CCNH: variants seen among roughly 807,000 people sequenced by gnomAD.
CCNH encodes the protein cyclin H, also known as cyclin-H.
Under a neutral mutation model 41.9 loss-of-function variants are expected in CCNH, and 31 were observed. The ratio of observed to expected loss-of-function variants is 0.74; its 90% CI spans 0.56 to 1.00. The LOEUF (loss-of-function observed/expected upper bound fraction) is 1.00, where lower values mean the gene tolerates loss of function less well. Ranked by LOEUF, CCNH falls within the 50% of genes least tolerant of loss-of-function variation. The pLI is 0.00. For missense variants in CCNH, 362 were observed against 388.4 expected, an observed-to-expected ratio of 0.93 and a Z score of 0.57; for synonymous variants, 138 against 136.1, an observed-to-expected ratio of 1.01 and a Z score of -0.10.
chr5:87,344,678 ATTTTT>A (rs113174684), intron 9 of CCNH, among the ~76,000 whole-genome samples: 1 of 131,208 alleles, frequency 7.6e-6, no homozygotes, highest in African/African-American at 2.8e-5. Flanking sequence ...AAATGTTGTA[ATTTTT>A]TTTTTTTTTT....
At chr5:87,362,138 T>C (rs1364658389) in intron 9 of CCNH, among the ~76,000 whole-genome samples, 2 of 152,220 alleles carry the variant, frequency 1.3e-5, no homozygotes, top group African/African-American at 4.8e-5. Flanking sequence ...ACCTAGCATT[T>C]CTCACAGACA....
At chr5:87,367,645 CAA>C (rs763666715) in intron 9 of CCNH, among the ~76,000 whole-genome samples, 14 of 152,322 alleles carry the variant, frequency 9.2e-5, no homozygotes, top group African/African-American at 3.1e-4. Context: ...CTTAGTGACA[CAA>C]AGTTATTCTA....
intron 9 of CCNH, among the ~76,000 whole-genome samples, chr5:87,319,365 C>G (rs1043292469): frequency 2.6e-5 from 4 of 152,240 alleles, no homozygotes; most frequent in African/African-American, 9.6e-5. Flanking sequence ...AGTAGAGGGT[C>G]TCCATGAGGA....
chr5:87,353,318 C>A, intron 9 of CCNH: 2 of 1,092,930 alleles, frequency 1.8e-6, no homozygotes, highest in Non-Finnish European at 2.8e-6. Flanking sequence ...CACATTTGTA[C>A]AATTCAAATT....
intron 4 of CCNH, among the ~76,000 whole-genome samples, chr5:87,406,422 G>C (rs970597342): frequency 3.3e-5 from 5 of 152,064 alleles, no homozygotes; most frequent in Non-Finnish European, 5.9e-5. Context: ...TTCTTCCTCT[G>C]TCTTCATCTC....
At chr5:87,348,437 A>G (rs1165469105) in intron 9 of CCNH, among the ~76,000 whole-genome samples, 1 of 152,050 alleles carries the variant, frequency 6.6e-6, no homozygotes, top group Non-Finnish European at 1.5e-5. Context: ...CCAATCAAAG[A>G]TATCAGAAAT....
chr5:87,383,944 C>T (rs933858105), intron 9 of CCNH, among the ~76,000 whole-genome samples: 8 of 149,914 alleles, frequency 5.3e-5, no homozygotes, highest in African/African-American at 2.0e-4. Context: ...GCTTGTGCTT[C>T]TTGGGCTTTT....
intron 9 of CCNH, among the ~76,000 whole-genome samples, chr5:87,352,545 C>CA (rs1580333129): frequency 1.3e-5 from 2 of 151,724 alleles, no homozygotes; most frequent in East Asian, 3.9e-4. Context: ...TACAGTATGT[C>CA]ATTTTATTTT....
chr5:87,374,459 A>ATTTT (rs770426797), downstream of CCNH: 9 of 167,794 alleles, frequency 5.4e-5, no homozygotes, highest in South Asian at 2.0e-4. Context: ...ATATATATAT[A>ATTTT]TTTTTTTTTT....
Position 87,349,252 on chromosome 5 carries a change from A to T in CCNH, c.*91-30355T>A. 1.9e-6 allele frequency: 3 copies of T among 1,612,182 alleles called. No individual in the cohort carries two copies. The East Asian group carries it at 6.7e-5, about 36-fold the overall frequency. On this transcript the variant is annotated intron_variant and NMD_transcript_variant, in intron 9 of 9. Transcript: ENST00000645953. ...CAGTTTTCTTGTGAGGCCCTCAGAT[A>T]ATACTCCTGGCGATTATTCACTTTA...
chr5:87,372,759 A>G (rs576020171), downstream of CCNH, among the ~76,000 whole-genome samples: 1 of 152,112 alleles, frequency 6.6e-6, no homozygotes, highest in Non-Finnish European at 1.5e-5. Flanking sequence ...TAATCCCTGT[A>G]TAATTGGAAG....
At chr5:87,396,878 G>A (rs903110759) in intron 7 of CCNH, among the ~76,000 whole-genome samples, 5 of 152,144 alleles carry the variant, frequency 3.3e-5, no homozygotes, top group African/African-American at 7.2e-5. Flanking sequence ...ATGGATATAC[G>A]TGCAGAGAAA....
At chr5:87,385,445 A>C in intron 9 of CCNH, 1 of 1,319,926 alleles carries the variant, frequency 7.6e-7, no homozygotes, top group Non-Finnish European at 1.1e-6. Context: ...TTGACATGAT[A>C]AAACCATAAA....
chr5:87,401,072 C>G (rs1234098316), intron 6 of CCNH, among the ~76,000 whole-genome samples: 6 of 152,208 alleles, frequency 3.9e-5, no homozygotes, highest in Non-Finnish European at 7.3e-5. Context: ...AGTGTATTCT[C>G]TCATAGTTCT....
downstream of CCNH, chr5:87,392,400 A>T: frequency 2.2e-6 from 1 of 454,496 alleles, no homozygotes; most frequent in Non-Finnish European, 4.4e-6. Context: ...AAATCTCAAC[A>T]TGTCCCATGC....
chr5:87,383,376 T>G (rs937697858), intron 9 of CCNH, among the ~76,000 whole-genome samples: 4 of 152,180 alleles, frequency 2.6e-5, no homozygotes, highest in Non-Finnish European at 5.9e-5. Context: ...GATACTACTT[T>G]CTCTAAGTAT....
intron 9 of CCNH, among the ~76,000 whole-genome samples, chr5:87,366,971 C>A (rs966277559): frequency 1.3e-5 from 2 of 152,200 alleles, no homozygotes; most frequent in African/African-American, 4.8e-5. Flanking sequence ...TCACAACTGC[C>A]AGGATGTTGC....
intron 9 of CCNH, among the ~76,000 whole-genome samples, chr5:87,337,732 G>C (rs1210020652): frequency 2.0e-5 from 3 of 152,008 alleles, no homozygotes; most frequent in South Asian, 2.1e-4. Context: ...GATATAGTTA[G>C]TGCAGATACT....
At chr5:87,412,498 T>TG in intron 1 of CCNH, 180 bp downstream of exon 1, 1 of 1,427,266 alleles carries the variant, frequency 7.0e-7, no homozygotes, top group Non-Finnish European at 9.2e-7. Flanking sequence ...GGGATGGCGT[T>TG]GTTCGTCTTT....
Sources: gnomAD v4.1 joint callset for allele counts (sites outside exome capture counted in the v4.1 genomes callset) on GRCh38, gnomAD v4.1.1 for gene constraint, MANE v1.5 for transcripts, NCBI Gene and HGNC (gene_info 2026-07-23, HGNC 2026-07-21) for gene names.